CCDC18: variants seen among roughly 807,000 people sequenced by gnomAD.
CCDC18 encodes coiled-coil domain-containing protein 18.
CCDC18 carries 157 observed loss-of-function variants against 196.0 expected under a neutral mutation model. The ratio of observed to expected loss-of-function variants is 0.80; its 90% CI spans 0.70 to 0.91. CCDC18 has a LOEUF of 0.91. CCDC18 is among the 40% of genes least tolerant of loss of function. CCDC18 has a pLI of 0.00. For synonymous variants in CCDC18, 482 were observed against 529.2 expected (o/e 0.91, Z 1.22); for missense variants, 1,465 against 1,611.6 (o/e 0.91, Z 1.56).
At chr1:93,250,583 G>T (rs1442300296) in intron 23 of CCDC18, among the ~76,000 whole-genome samples, 1 of 151,756 alleles carries the variant, frequency 6.6e-6, no homozygotes, top group Non-Finnish European at 1.5e-5. Flanking sequence ...TCGTTTTATT[G>T]CAACCACCTA....
chr1:93,276,018 C>T (rs1340167587), intron 28 of CCDC18, among the ~76,000 whole-genome samples: 1 of 152,208 alleles, frequency 6.6e-6, no homozygotes, highest in Non-Finnish European at 1.5e-5. Flanking sequence ...GCTGATTCGT[C>T]TAAAGGACTC....
intron 9 of CCDC18, among the ~76,000 whole-genome samples, chr1:93,208,805 T>C (rs144344716): frequency 1.3e-5 from 2 of 152,202 alleles, no homozygotes; most frequent in Non-Finnish European, 2.9e-5. Context: ...CAGCTCAAAC[T>C]ATAGCACGCA....
intron 14 of CCDC18, 26 bp from the exon 15 acceptor site, chr1:93,221,583 T>C (rs1196197654): frequency 1.4e-6 from 2 of 1,411,022 alleles, no homozygotes; most frequent in Non-Finnish European, 9.4e-7. Context: ...AAATATTTAA[T>C]ATGAAAATTC....
At chr1:93,265,609 T>G (rs1442950367) in intron 27 of CCDC18, among the ~76,000 whole-genome samples, 1 of 152,154 alleles carries the variant, frequency 6.6e-6, no homozygotes, top group Non-Finnish European at 1.5e-5. Flanking sequence ...TTTAAGAATG[T>G]GAATGTAGGA....
At chr1:93,257,231 CAAAAAAAAA>C (rs71586787) in intron 25 of CCDC18, among the ~76,000 whole-genome samples, 1,677 of 46,390 alleles carry the variant, frequency 0.036, 16 homozygotes, top group Non-Finnish European at 0.048. Flanking sequence ...GACTCCATCT[CAAAAAAAAA>C]AAAAAAAAAA....
chr1:93,218,996 T>G (rs1292631068), intron 14 of CCDC18, among the ~76,000 whole-genome samples: 1 of 152,234 alleles, frequency 6.6e-6, no homozygotes, highest in Non-Finnish European at 1.5e-5. Flanking sequence ...TATTTTTCAG[T>G]CTAACCCTAT....
chr1:93,270,819 G>A lies in CCDC18; in HGVS notation c.4353+5G>A. The A allele has an allele frequency of 6.6e-7, 1 of 1,510,074 alleles. No individual in the cohort carries two copies. The highest frequency in any genetic ancestry group is 1.3e-5 in the South Asian group (1 of 78,886). 93.5% of individuals were successfully genotyped at this position (1,510,074 alleles called of 1,614,324 possible). A position where few individuals can be genotyped will look rare whatever the true frequency, so the allele number is the denominator to read the frequency against. On this transcript the variant is annotated splice_donor_5th_base_variant and intron_variant, in intron 28 of 28. Transcript: ENST00000690025. ...ACAGGTGCTGGTTTAAATCAGGTAT[G>A]TATTTTATACACTGTAAACTGTAAT...
chr1:93,258,678 C>G, intron 25 of CCDC18, 70 bp from the exon 26 acceptor site: 1 of 1,234,826 alleles, frequency 8.1e-7, no homozygotes, highest in East Asian at 2.7e-5. Context: ...CAATAATGCA[C>G]TGGATTAGTT....
intron 24 of CCDC18, among the ~76,000 whole-genome samples, chr1:93,255,048 G>A (rs905246320): frequency 3.5e-5 from 5 of 142,694 alleles, no homozygotes; most frequent in African/African-American, 1.3e-4. Context: ...TGCTTTCCGG[G>A]TTCCAGTGAT....
intron 16 of CCDC18, among the ~76,000 whole-genome samples, chr1:93,225,903 GT>G (rs1032478118): frequency 2.0e-5 from 3 of 152,164 alleles, no homozygotes; most frequent in African/African-American, 7.2e-5. Flanking sequence ...TTAAAGAAAA[GT>G]TTTTAGAGTG....
chr1:93,230,913 TACTG>T (rs1659148943), intron 17 of CCDC18, among the ~76,000 whole-genome samples: 1 of 152,232 alleles, frequency 6.6e-6, no homozygotes, highest in African/African-American at 2.4e-5. Flanking sequence ...AAACAGGTGA[TACTG>T]ACACATATTT....
chr1:93,246,364 T>C (rs1025006692), intron 22 of CCDC18, among the ~76,000 whole-genome samples, 160 bp downstream of exon 22: 3 of 152,172 alleles, frequency 2.0e-5, no homozygotes, highest in African/African-American at 7.2e-5. Flanking sequence ...TCTCTCTTTA[T>C]CTTGATATTT....
intron 28 of CCDC18, 88 bp downstream of exon 28, chr1:93,270,902 GA>G (rs1436035262): frequency 7.2e-7 from 1 of 1,384,532 alleles, no homozygotes; most frequent in Non-Finnish European, 9.4e-7. Context: ...ATATTTAAAT[GA>G]AAAACTACTA....
chr1:93,257,404 T>G (rs1269411933), intron 25 of CCDC18, among the ~76,000 whole-genome samples: 1 of 152,016 alleles, frequency 6.6e-6, no homozygotes, highest in Non-Finnish European at 1.5e-5. Context: ...TTTCCAGTAT[T>G]TGGTAGGAAG....
intron 28 of CCDC18, among the ~76,000 whole-genome samples, chr1:93,276,530 G>A (rs998952721): frequency 1.3e-5 from 2 of 151,830 alleles, no homozygotes; most frequent in African/African-American, 4.8e-5. Context: ...TCAAGATATG[G>A]TACATATATC....
At chr1:93,193,826 G>T in intron 6 of CCDC18, 82 bp downstream of exon 6, 2 of 1,116,392 alleles carry the variant, frequency 1.8e-6, no homozygotes, top group South Asian at 1.9e-5. Flanking sequence ...GTTAATTTTT[G>T]AAGTGAAAAA....
At chr1:93,230,786 T>C (rs530877512) in intron 17 of CCDC18, among the ~76,000 whole-genome samples, 1 of 152,260 alleles carries the variant, frequency 6.6e-6, no homozygotes, top group South Asian at 2.1e-4. Context: ...AACAGGATGT[T>C]CCAATAAAGA....
intron 4 of CCDC18, chr1:93,190,834 T>G: frequency 4.2e-6 from 3 of 721,698 alleles, no homozygotes; most frequent in South Asian, 4.1e-5. Flanking sequence ...AGATCTGCAG[T>G]TGGGCTCAGT....
chr1:93,258,103 A>T (rs1296674372), intron 25 of CCDC18, among the ~76,000 whole-genome samples: 5 of 150,012 alleles, frequency 3.3e-5, no homozygotes, highest in Non-Finnish European at 7.4e-5. Flanking sequence ...AAATTAATAA[A>T]AATTAATTAA....
Sources: allele counts gnomAD v4.1 joint callset (sites outside exome capture counted in the v4.1 genomes callset), GRCh38; gene constraint gnomAD v4.1.1; transcripts MANE v1.5; gene names NCBI Gene and HGNC (gene_info 2026-07-23, HGNC 2026-07-21).